The following ARHGEF9 variants were observed in gnomAD, a reference collection of about 807,000 sequenced individuals.
The protein encoded by ARHGEF9 is rho guanine nucleotide exchange factor 9.
Under a neutral mutation model 41.3 loss-of-function variants are expected in ARHGEF9, and 2 were observed. That is an observed-to-expected ratio of 0.05 (90% CI 0.02 to 0.15). The LOEUF (loss-of-function observed/expected upper bound fraction) is 0.15, where lower values mean the gene tolerates loss of function less well. ARHGEF9 is among the 10% of genes least tolerant of loss of function. The pLI is 1.00. For synonymous variants in ARHGEF9, 160 were observed against 154.4 expected, an observed-to-expected ratio of 1.04 and a Z score of -0.27; for missense variants, 225 against 424.7, an observed-to-expected ratio of 0.53 and a Z score of 4.13.
At chrX:63,708,880 G>T (rs782054497) in intron 2 of ARHGEF9, among the ~76,000 whole-genome samples, 2 of 112,266 alleles carry the variant, frequency 1.8e-5, no homozygotes, top group Middle Eastern at 4.6e-3. Context: ...TGGCATATAA[G>T]GCCTAACTGT....
intron 1 of ARHGEF9, among the ~76,000 whole-genome samples, chrX:63,746,610 C>T (rs192345173): frequency 8.9e-6 from 1 of 112,070 alleles, no homozygotes; most frequent in East Asian, 2.8e-4. Context: ...TTCTTAACTA[C>T]TTTTAGGTTT....
intron 8 of ARHGEF9, among the ~76,000 whole-genome samples, chrX:63,646,326 C>T (rs1357902167): frequency 8.9e-6 from 1 of 111,912 alleles, no homozygotes; most frequent in Non-Finnish European, 1.9e-5. Flanking sequence ...CCGAATGATA[C>T]TGCCTAGGTT....
chrX:63,662,059 T>A (rs1486567772), intron 7 of ARHGEF9, among the ~76,000 whole-genome samples: 1 of 111,607 alleles, frequency 9.0e-6, no homozygotes, highest in Non-Finnish European at 1.9e-5. Context: ...AGGCTGTCTA[T>A]TTCTTTGTTG....
rs1556301404 is a variant in ARHGEF9, at chrX:63,638,195, G to A, written c.1405C>T (p.Arg469Cys). The change falls in exon 10 of 10, where the codon CGC becomes TGC. Residue 469 changes from arginine to cysteine, a missense_variant. This residue lies in a region of ARHGEF9 where 75 missense variants were observed against 113.2 expected (regional missense o/e 0.66). Transcript: ENST00000671741. Reference sequence around the variant, plus strand: ...GGTGGGTAGGAAGGAGGAACTGAGCGGGCAGAGTTGACACCTAGAGTAGAT... The same window carrying A: ...GGTGGGTAGGAAGGAGGAACTGAGCAGGCAGAGTTGACACCTAGAGTAGAT... ...VPKQKGVNSA[R>C]SVPPSYPPPQ... The A allele has an allele frequency of 4.2e-6, 5 of 1,186,070 alleles. No individual in the cohort carries two copies. Among genetic ancestry groups the A allele is most frequent in the East Asian group, 6.1e-5 (2 of 32,565 alleles).
chrX:63,719,870 T>C (rs1190860817), intron 2 of ARHGEF9: 2 of 292,455 alleles, frequency 6.8e-6, no homozygotes, highest in East Asian at 4.8e-5. Flanking sequence ...TGTTGAAAGA[T>C]TTAAAGACAT....
chrX:63,656,579 C>A (rs1240818774), intron 7 of ARHGEF9: 1 of 111,709 alleles, frequency 9.0e-6, no homozygotes, highest in Non-Finnish European at 1.9e-5. Context: ...AGGCATCCTC[C>A]ATCCTAAATC....
chrX:63,638,428 G>A (rs2047428084), intron 9 of ARHGEF9: 1 of 424,100 alleles, frequency 2.4e-6, no homozygotes, highest in African/African-American at 2.5e-5. Context: ...CATCTAGTCA[G>A]GTATCAAAGA....
At chrX:63,759,192 A>G (rs2055989210) in intron 1 of ARHGEF9, among the ~76,000 whole-genome samples, 1 of 111,516 alleles carries the variant, frequency 9.0e-6, no homozygotes, top group African/African-American at 3.3e-5. Context: ...AGACCCTGGA[A>G]CACGGTATTT....
At chrX:63,783,611 A>T (rs1569508309) in intron 1 of ARHGEF9, among the ~76,000 whole-genome samples, 1 of 111,579 alleles carries the variant, frequency 9.0e-6, no homozygotes, top group South Asian at 3.8e-4. Flanking sequence ...TCCCAAGATC[A>T]TGACTATGTT....
At chrX:63,754,290 G>T in intron 1 of ARHGEF9, 1 of 1,209,490 alleles carries the variant, frequency 8.3e-7, no homozygotes, top group Non-Finnish European at 1.1e-6. Context: ...AAGATTTAGG[G>T]AGAGATAATA....
intron 4 of ARHGEF9, among the ~76,000 whole-genome samples, chrX:63,695,961 AT>A (rs1286516187): frequency 9.0e-6 from 1 of 111,668 alleles, no homozygotes; most frequent in Admixed American, 9.5e-5. Flanking sequence ...GTGTGACTCC[AT>A]TGGGGGATGG....
chrX:63,756,157 AGGACTTAGACT>A (rs1233761375), intron 1 of ARHGEF9, among the ~76,000 whole-genome samples: 1 of 111,769 alleles, frequency 8.9e-6, no homozygotes, highest in Non-Finnish European at 1.9e-5. Flanking sequence ...CCTGTCAATG[AGGACTTAGACT>A]TATCTGAGAA....
At chrX:63,754,937 G>A (rs2055871780) in intron 1 of ARHGEF9, 9 of 939,646 alleles carry the variant, frequency 9.6e-6, no homozygotes, top group Non-Finnish European at 1.2e-5. Flanking sequence ...GTGGTTCTCC[G>A]GCGCCTGCTC....
chrX:63,654,061 A>C (rs2048715337), intron 8 of ARHGEF9, among the ~76,000 whole-genome samples: 1 of 108,432 alleles, frequency 9.2e-6, no homozygotes, highest in Admixed American at 9.9e-5. Flanking sequence ...GAAAGTTATT[A>C]CTGAGTATGT....
chrX:63,759,158 T>C (rs1197286906), intron 1 of ARHGEF9, among the ~76,000 whole-genome samples: 4 of 111,446 alleles, frequency 3.6e-5, no homozygotes, highest in African/African-American at 9.8e-5. Flanking sequence ...ATCTTAAGTC[T>C]CAAAAGTACT....
Position 63,702,778 on chromosome X carries a change from A to C in ARHGEF9, c.402+3480T>G, listed in dbSNP as rs191896143. On this transcript the variant is annotated intron_variant, in intron 3 of 9. Transcript: ENST00000671741. ...AGAAGGAAGAAGCAGAAAATGCAGA[A>C]GTAGCCTGGCTCGCTATCACAGTTT... 2.7e-5 allele frequency among the ~76,000 whole-genome samples: 3 copies of C among 112,279 alleles called. No individual in the cohort carries two copies. In the East Asian group the frequency reaches 8.4e-4, roughly 31 times the overall value.
At chrX:63,700,841 G>A (rs781920635) in intron 3 of ARHGEF9, among the ~76,000 whole-genome samples, 2 of 111,476 alleles carry the variant, frequency 1.8e-5, no homozygotes, top group Non-Finnish European at 1.9e-5. Flanking sequence ...TGCTTTGAAC[G>A]CCCCATCTGA....
At chrX:63,676,308 T>C (rs782144427) in intron 5 of ARHGEF9, among the ~76,000 whole-genome samples, 23 of 112,458 alleles carry the variant, frequency 2.0e-4, no homozygotes, top group African/African-American at 7.4e-4. Context: ...TGAGCCTCAG[T>C]GAATGTTAGC....
At position 63,637,275 on chromosome X, in the gene ARHGEF9, G is replaced by C; in HGVS notation, c.*753C>G. 3.4e-6 allele frequency: 1 copy of C among 297,104 alleles called. No homozygotes were observed. Among genetic ancestry groups the C allele is most frequent in the Non-Finnish European group, 5.9e-6 (1 of 170,284 alleles). The allele number at this position is 297,104 out of a possible 1,213,427, so 24.5% of individuals were successfully genotyped here. The stretch of plus-strand genomic sequence containing the variant: ...CATCATCATAGTCTGATACTCCCTT[G>C]CTTCTGTTTGGTTTTTTGATCCCTT... On this transcript the variant is annotated 3_prime_UTR_variant, in exon 10 of 10. Transcript: ENST00000671741.
Sources: gnomAD v4.1 joint callset for allele counts (sites outside exome capture counted in the v4.1 genomes callset) on GRCh38, gnomAD v4.1.1 for gene constraint, gnomAD v4.1.1 regional missense constraint, MANE v1.5 for transcripts, NCBI Gene and HGNC (gene_info 2026-07-23, HGNC 2026-07-21) for gene names.